Variants in RHPN2 observed in about 807,000 individuals in gnomAD.
The protein encoded by RHPN2 is rhophilin Rho GTPase binding protein 2.
Under a neutral mutation model 79.0 loss-of-function variants are expected in RHPN2, and 40 were observed. The ratio of observed to expected loss-of-function variants is 0.51; its 90% CI spans 0.39 to 0.66. The LOEUF is 0.66. Ranked by LOEUF, RHPN2 falls within the 30% of genes least tolerant of loss-of-function variation. The pLI is 0.00. For synonymous variants in RHPN2, 285 were observed against 363.5 expected (o/e 0.78, Z 2.46); for missense variants, 686 against 883.5 (o/e 0.78, Z 2.83).
chr19:32,990,800 C>T (rs769441077), intron 13 of RHPN2, 131 bp from the exon 14 acceptor site: 453 of 945,468 alleles, frequency 4.8e-4, no homozygotes, highest in Non-Finnish European at 7.1e-4. Flanking sequence ...GTGGCTGAGA[C>T]GGGTAGATCA....
At chr19:33,057,010 C>G (rs1972238638) in intron 1 of RHPN2, among the ~76,000 whole-genome samples, 1 of 151,214 alleles carries the variant, frequency 6.6e-6, no homozygotes, top group Non-Finnish European at 1.5e-5. Flanking sequence ...GTCCCAGCTA[C>G]TCAGGAGGCT....
intron 4 of RHPN2, among the ~76,000 whole-genome samples, chr19:33,020,104 AG>A (rs2145244753): frequency 6.6e-6 from 1 of 152,258 alleles, no homozygotes; most frequent in South Asian, 2.1e-4. Context: ...CCCCGCAGGC[AG>A]GGCTTGTGGC....
At chr19:32,981,417 A>AGGGGGGGGG (rs71176176) in intron 14 of RHPN2, among the ~76,000 whole-genome samples, 1 of 42,386 alleles carries the variant, frequency 2.4e-5, no homozygotes, top group Non-Finnish European at 4.0e-5. Flanking sequence ...ATAAAAAAAA[A>AGGGGGGGGG]GGGGGGGGGC....
chr19:33,049,448 GCT>G (rs1214224707), intron 1 of RHPN2, among the ~76,000 whole-genome samples: 1 of 152,126 alleles, frequency 6.6e-6, no homozygotes, highest in Non-Finnish European at 1.5e-5. Context: ...ACACAAAGCC[GCT>G]CTGAGACTGG....
At chr19:33,021,239 A>G (rs1367106686) in intron 4 of RHPN2, among the ~76,000 whole-genome samples, 1 of 152,232 alleles carries the variant, frequency 6.6e-6, no homozygotes, top group African/African-American at 2.4e-5. Context: ...AGGAATAAAC[A>G]TATAAATTAT....
chr19:32,989,320 G>A (rs1971636630), intron 14 of RHPN2, among the ~76,000 whole-genome samples: 1 of 152,090 alleles, frequency 6.6e-6, no homozygotes, highest in Non-Finnish European at 1.5e-5. Flanking sequence ...TGTTGGTCAG[G>A]CTGGTCTTCA....
At chr19:33,014,253 A>G (rs1337445396) in intron 4 of RHPN2, among the ~76,000 whole-genome samples, 3 of 152,060 alleles carry the variant, frequency 2.0e-5, no homozygotes, top group Non-Finnish European at 4.4e-5. Context: ...AAACAGACAA[A>G]CACTTGTCTT....
At chr19:33,046,250 T>A (rs958746125) in intron 1 of RHPN2, among the ~76,000 whole-genome samples, 32 of 152,250 alleles carry the variant, frequency 2.1e-4, no homozygotes, top group African/African-American at 7.7e-4. Flanking sequence ...AGGTGGTTTT[T>A]TTGTTTTGTT....
At chr19:32,991,633 A>G (rs1395218871) in intron 13 of RHPN2, among the ~76,000 whole-genome samples, 190 bp downstream of exon 13, 1 of 148,956 alleles carries the variant, frequency 6.7e-6, no homozygotes, top group African/African-American at 2.4e-5. Flanking sequence ...CACCTCCCAA[A>G]GTCTAAAAAA....
At chr19:33,004,492 T>C (rs1290456025) in intron 7 of RHPN2, among the ~76,000 whole-genome samples, 1 of 152,158 alleles carries the variant, frequency 6.6e-6, no homozygotes, top group African/African-American at 2.4e-5. Flanking sequence ...ATTTTTAAAA[T>C]TTAAGATAAT....
At chr19:32,983,460 G>A (rs1214270454) in intron 14 of RHPN2, among the ~76,000 whole-genome samples, 6 of 151,234 alleles carry the variant, frequency 4.0e-5, no homozygotes, top group Non-Finnish European at 8.8e-5. Flanking sequence ...GCAGTGAGCT[G>A]AGATAGCGCC....
Position 33,002,282 on chromosome 19 carries a change from T to C in RHPN2, c.1070A>G (p.His357Arg). Residue 357 changes from histidine to arginine, a missense_variant, in exon 9 of 15, where the codon CAC becomes CGC. Transcript: ENST00000254260. ...VKAHHYAALA[H>R]YFTAILLIDH... ...GATGAGGAGGATGGCAGTGAAGTAG[T>C]GGGCCAGGGCCGCGTAGTGGTGGGC... 2 of 1,607,078 alleles carry C rather than the reference T, an allele frequency of 1.2e-6. No individual in the cohort carries two copies. The highest frequency in any genetic ancestry group is 1.7e-6 in the Non-Finnish European group (2 of 1,175,892).
intron 4 of RHPN2, among the ~76,000 whole-genome samples, chr19:33,018,577 T>C (rs1971896821): frequency 6.6e-6 from 1 of 152,116 alleles, no homozygotes; most frequent in Non-Finnish European, 1.5e-5. Context: ...TCCAGTAAAC[T>C]TGAGTCCTGA....
At chr19:33,047,138 G>A (rs1489096883) in intron 1 of RHPN2, among the ~76,000 whole-genome samples, 2 of 152,138 alleles carry the variant, frequency 1.3e-5, no homozygotes, top group African/African-American at 4.8e-5. Context: ...TAGTCTTACA[G>A]GTGTGAGCCA....
chr19:33,017,442 C>T (rs1971887063), intron 4 of RHPN2, among the ~76,000 whole-genome samples: 1 of 152,022 alleles, frequency 6.6e-6, no homozygotes, highest in Admixed American at 6.6e-5. Flanking sequence ...CGTAAAGAAA[C>T]TTCTACAACA....
intron 1 of RHPN2, among the ~76,000 whole-genome samples, chr19:33,044,706 A>G (rs1972127999): frequency 3.9e-5 from 6 of 152,202 alleles, no homozygotes; most frequent in Admixed American, 3.9e-4. Flanking sequence ...CAGCCTGGCC[A>G]ACATGGTGAA....
At chr19:32,994,930 TGAGAC>T (rs1361102392) in intron 11 of RHPN2, among the ~76,000 whole-genome samples, 10 of 152,002 alleles carry the variant, frequency 6.6e-5, no homozygotes, top group Non-Finnish European at 1.5e-5. Context: ...CCAGCCTGGG[TGAGAC>T]AAGAGCGAAA....
chr19:32,990,555 C>T lies in RHPN2; in HGVS notation c.1759G>A (p.Glu587Lys), dbSNP rs753578599. Residue 587 changes from glutamate (E) to lysine (K), a missense_variant, in exon 14 of 15, where the codon GAG (glutamate) becomes AAG (lysine). By Grantham distance (56) the Glu-to-Lys change is moderately conservative (BLOSUM62 1). Transcript: ENST00000254260. ...TCCAGGAGGCTCACGACTTTCATCT[C>T]GATCTCGTCCTCGCCAAAGCTCTTC... ...LLKSFGEDEI[E>K]MKVVSLLDST... 1.2e-6 allele frequency: 2 copies of T among 1,613,880 alleles called. No individual in the cohort carries two copies. The highest frequency in any genetic ancestry group is 1.7e-6 in the Non-Finnish European group (2 of 1,179,862).
rs916691807 is a variant in RHPN2, at chr19:32,988,219, AAAAAC to A, written c.1800+2290_1800+2294del. On this transcript the variant is annotated intron_variant, in intron 14 of 14. Coordinates refer to ENST00000254260, the MANE Select transcript of RHPN2 (RefSeq NM_033103.5). ...TCTCAAAAACAACAACAACAAAAAAAAAAACAAAACAAACAAAACAACAACAACAG... is the reference window on the plus strand; with the variant it reads ...TCTCAAAAACAACAACAACAAAAAAAAAAACAAACAAAACAACAACAACAG... 6.7e-3 allele frequency among the ~76,000 whole-genome samples: 987 copies of A among 146,504 alleles called. 14 individuals are homozygous for A. The highest frequency in any genetic ancestry group is 0.026 in the African/African-American group (940 of 36,768).
Sources: allele counts gnomAD v4.1 joint callset (sites outside exome capture counted in the v4.1 genomes callset), GRCh38; gene constraint gnomAD v4.1.1; transcripts MANE v1.5; gene names NCBI Gene and HGNC (gene_info 2026-07-23, HGNC 2026-07-21).